PPP2R3A: variants seen among roughly 807,000 people sequenced by gnomAD.
PPP2R3A encodes protein phosphatase 2 regulatory subunit B''alpha.
A neutral mutation model predicts 106.9 loss-of-function variants in PPP2R3A; 80 were observed. The ratio of observed to expected loss-of-function variants is 0.75; its 90% CI spans 0.62 to 0.90. PPP2R3A has a LOEUF of 0.90. Ranked by LOEUF, PPP2R3A falls within the 40% of genes least tolerant of loss-of-function variation. The pLI is 0.00. For synonymous variants in PPP2R3A, 483 were observed against 468.3 expected (o/e 1.03, Z -0.41); for missense variants, 1,386 against 1,350.4 (o/e 1.03, Z -0.41).
Position 136,145,069 on chromosome 3 carries a change from C to CT in PPP2R3A, c.3357dup (p.Ala1120CysfsTer5). On this transcript the variant is annotated frameshift_variant, in exon 14 of 14. Coordinates refer to ENST00000264977, the MANE Select transcript of PPP2R3A (RefSeq NM_002718.5). LOFTEE classifies it high-confidence loss of function. Reference sequence around the variant, plus strand: ...TTTGAAGATTATGAAACAGATGAACCTGCCTCTCCCTCTGAATTTGGAAAC... The same window carrying CT: ...TTTGAAGATTATGAAACAGATGAACCTTGCCTCTCCCTCTGAATTTGGAAAC... The CT allele has an allele frequency of 6.2e-7, 1 of 1,612,748 alleles. No individual in the cohort carries two copies. The highest frequency in any genetic ancestry group is 8.5e-7 in the Non-Finnish European group (1 of 1,179,502).
intron 13 of PPP2R3A, among the ~76,000 whole-genome samples, chr3:136,125,658 G>C (rs553493385): frequency 6.6e-6 from 1 of 152,218 alleles, no homozygotes; most frequent in South Asian, 2.1e-4. Flanking sequence ...ACCAGCCTGG[G>C]TAACATAGTG....
Position 136,099,492 on chromosome 3 carries a change from T to G in PPP2R3A, c.2928-2515T>G, listed in dbSNP as rs956884713. 2.0e-5 allele frequency among the ~76,000 whole-genome samples: 3 copies of G among 152,266 alleles called. No individual in the cohort carries two copies. In the East Asian group the frequency reaches 5.8e-4, roughly 29 times the overall value. On this transcript the variant is annotated intron_variant, in intron 10 of 13. Coordinates refer to ENST00000264977, the MANE Select transcript of PPP2R3A (RefSeq NM_002718.5). ...GTACAGGACATGAACAGAATGATAC[T>G]TTCTATGAAAGGAACATTCAGGAAA...
At chr3:136,072,213 G>T (rs896466953) in intron 6 of PPP2R3A, among the ~76,000 whole-genome samples, 5 of 152,036 alleles carry the variant, frequency 3.3e-5, no homozygotes, top group Non-Finnish European at 5.9e-5. Flanking sequence ...CAGGAACTTT[G>T]TCTATGTCCT....
intron 13 of PPP2R3A, among the ~76,000 whole-genome samples, chr3:136,121,138 G>A (rs746181177): frequency 7.9e-5 from 12 of 151,994 alleles, no homozygotes; most frequent in Non-Finnish European, 1.3e-4. Flanking sequence ...GCACTTATAC[G>A]TCCATCATAT....
At chr3:136,071,315 T>C (rs1936423050) in intron 6 of PPP2R3A, among the ~76,000 whole-genome samples, 2 of 152,248 alleles carry the variant, frequency 1.3e-5, no homozygotes, top group Non-Finnish European at 2.9e-5. Context: ...GCCAAAGATA[T>C]GTTAGGTCCT....
intron 3 of PPP2R3A, among the ~76,000 whole-genome samples, chr3:136,035,553 C>T (rs527764358): frequency 2.6e-5 from 4 of 152,256 alleles, no homozygotes; most frequent in East Asian, 1.9e-4. Context: ...AAGATAGGGC[C>T]GCAATTCCTT....
intron 13 of PPP2R3A, among the ~76,000 whole-genome samples, chr3:136,133,890 CAAAA>C (rs34515503): frequency 3.6e-5 from 2 of 55,436 alleles, no homozygotes; most frequent in African/African-American, 1.1e-4. Context: ...AACTCCATCT[CAAAA>C]AAAAAAAAAA....
At chr3:135,979,905 T>TA (rs1937515759) in intron 1 of PPP2R3A, among the ~76,000 whole-genome samples, 2 of 151,884 alleles carry the variant, frequency 1.3e-5, no homozygotes, top group South Asian at 4.1e-4. Context: ...TTTTAAGGAA[T>TA]AAACATCCAT....
At position 136,002,088 on chromosome 3, in the gene PPP2R3A, T is replaced by C. The variant is rs1933649200; in HGVS notation, c.590T>C (p.Leu197Pro). 1 of 1,614,140 alleles carries C rather than the reference T, an allele frequency of 6.2e-7. No individual in the cohort carries two copies. The highest frequency in any genetic ancestry group is 1.6e-4 in the Middle Eastern group (1 of 6,062). The change falls in exon 2 of 14, where the codon CTG becomes CCG. Residue 197 changes from leucine to proline, a missense_variant. Leu to Pro is a moderately conservative substitution (Grantham distance 98, BLOSUM62 -3). Transcript: ENST00000264977. ...CATAGAAACTCACTGGATACGAACC[T>C]GACTTCCATGTTTCTTCAAAACTTT... is the stretch of plus-strand genomic sequence containing the variant. ...LSHRNSLDTN[L>P]TSMFLQNFSE...
chr3:135,968,229 AG>A (rs2107741569), intron 1 of PPP2R3A, among the ~76,000 whole-genome samples: 1 of 152,334 alleles, frequency 6.6e-6, no homozygotes, highest in East Asian at 1.9e-4. Flanking sequence ...TGGACCTTAT[AG>A]TCTAAGGAGG....
At chr3:136,015,551 A>T (rs1934239380) in intron 2 of PPP2R3A, among the ~76,000 whole-genome samples, 1 of 151,892 alleles carries the variant, frequency 6.6e-6, no homozygotes, top group Admixed American at 6.6e-5. Context: ...GGAGGGTTGT[A>T]TATTTCCAGG....
In PPP2R3A at chr3:136,145,846, TAAAA is replaced by T. The variant is rs764339734; in HGVS notation, c.*684_*687del. On this transcript the variant is annotated 3_prime_UTR_variant, in exon 14 of 14. Transcript: ENST00000264977. ...GTGGATCTTATATAAAATCTCAAGATAAAAAAACACTTCTTAAATGAAGTATAGA... is the reference window on the plus strand; with the variant it reads ...GTGGATCTTATATAAAATCTCAAGATAAACACTTCTTAAATGAAGTATAGA... 1 of 152,392 alleles carries T rather than the reference TAAAA, an allele frequency of 6.6e-6. No individual in the cohort carries two copies. Among genetic ancestry groups the T allele is most frequent in the African/African-American group, 2.4e-5 (1 of 41,448 alleles). The allele number at this position is 152,392 out of a possible 1,614,324, so 9.4% of individuals were successfully genotyped here. A position where few individuals can be genotyped will look rare whatever the true frequency, so the allele number is the denominator to read the frequency against.
chr3:136,023,215 GTGTTT>G (rs3830602), intron 2 of PPP2R3A: 421 of 1,505,928 alleles, frequency 2.8e-4, no homozygotes, highest in African/African-American at 2.3e-3. Flanking sequence ...TGAAATTTGG[GTGTTT>G]TGTTTTGTTT....
At chr3:136,109,530 A>G (rs1937564300) in intron 13 of PPP2R3A, among the ~76,000 whole-genome samples, 1 of 152,198 alleles carries the variant, frequency 6.6e-6, no homozygotes, top group African/African-American at 2.4e-5. Flanking sequence ...ATTGAAACCT[A>G]TTACTTGAAG....
intron 1 of PPP2R3A, among the ~76,000 whole-genome samples, chr3:135,986,143 C>G (rs939614820): frequency 2.0e-5 from 3 of 152,084 alleles, no homozygotes; most frequent in Non-Finnish European, 2.9e-5. Flanking sequence ...GCAGCGTTCT[C>G]AGGGGAGAGT....
At chr3:136,092,311 C>G (rs1309271537) in intron 10 of PPP2R3A, among the ~76,000 whole-genome samples, 1 of 152,014 alleles carries the variant, frequency 6.6e-6, no homozygotes, top group Non-Finnish European at 1.5e-5. Flanking sequence ...GCCTGGGTGA[C>G]AAGAGCAAAA....
Position 136,057,674 on chromosome 3 carries a change from A to G in PPP2R3A, c.2469+8313A>G, listed in dbSNP as rs1381367996. Among the ~76,000 whole-genome samples, 4 of 152,172 alleles carry G rather than the reference A, an allele frequency of 2.6e-5. No individual in the cohort carries two copies. The East Asian group carries it at 5.8e-4, about 22-fold the overall frequency. ...AATAGACATTGCATAAAAGGAGACAAACAATGGCCAAAAAGTATATGAAAA... is the reference window on the plus strand; with the variant it reads ...AATAGACATTGCATAAAAGGAGACAGACAATGGCCAAAAAGTATATGAAAA... On this transcript the variant is annotated intron_variant, in intron 5 of 13. Coordinates refer to ENST00000264977, the MANE Select transcript of PPP2R3A (RefSeq NM_002718.5).
At chr3:135,983,225 T>G (rs1937562399) in intron 1 of PPP2R3A, among the ~76,000 whole-genome samples, 1 of 152,184 alleles carries the variant, frequency 6.6e-6, no homozygotes, top group African/African-American at 2.4e-5. Flanking sequence ...GCCCCATTTC[T>G]CTACCCAAGT....
chr3:136,080,534 G>T (rs1032345145), intron 7 of PPP2R3A, among the ~76,000 whole-genome samples: 5 of 152,138 alleles, frequency 3.3e-5, no homozygotes, highest in Admixed American at 1.3e-4. Flanking sequence ...AAATAATAGC[G>T]CTTTGCTTCT....
Sources: gnomAD v4.1 joint callset for allele counts (sites outside exome capture counted in the v4.1 genomes callset) on GRCh38, gnomAD v4.1.1 for gene constraint, MANE v1.5 for transcripts, NCBI Gene and HGNC (gene_info 2026-07-23, HGNC 2026-07-21) for gene names.